The following COL26A1 variants were observed in gnomAD, a reference collection of about 807,000 sequenced individuals.
COL26A1 encodes the protein collagen type XXVI alpha 1 chain, also known as collagen alpha-1(XXVI) chain.
A neutral mutation model predicts 59.3 loss-of-function variants in COL26A1; 41 were observed. The observed-to-expected ratio is 0.69, with a 90% CI of 0.54 to 0.90. COL26A1 has a LOEUF of 0.90. Ranked by LOEUF, COL26A1 falls within the 40% of genes least tolerant of loss-of-function variation. The pLI, the probability that COL26A1 is intolerant of heterozygous loss-of-function variation, is 0.00. For missense variants in COL26A1, 612 were observed against 602.3 expected (o/e 1.02, Z -0.17); for synonymous variants, 266 against 256.0 (o/e 1.04, Z -0.37).
At chr7:101,502,296 C>T (rs1352781522) in intron 3 of COL26A1, among the ~76,000 whole-genome samples, 4 of 152,136 alleles carry the variant, frequency 2.6e-5, no homozygotes, top group South Asian at 2.1e-4. Flanking sequence ...GAGCCGAGAT[C>T]GCACCACTGC....
rs1554414678 is a variant in COL26A1 at position 101,457,913 on chromosome 7, TTG to T, written c.385+10127_385+10128del. On this transcript the variant is annotated intron_variant, in intron 3 of 12. Coordinates refer to ENST00000313669, the MANE Select transcript of COL26A1 (RefSeq NM_001278563.3). ...GCTTAACTTTTTTTTTTTTTTTTTT[TTG>T]AAATGGAGTCTCACCCTGTTGCCCA... Among the ~76,000 whole-genome samples, 85 of 50,810 alleles carry T rather than the reference TTG, an allele frequency of 1.7e-3. 2 individuals are homozygous for T. The highest frequency in any genetic ancestry group is 4.6e-3 in the Admixed American group (28 of 6,118). The allele number at this position is 50,810 out of a possible 152,430, so 33.3% of individuals were successfully genotyped here.
chr7:101,455,184 G>A (rs1419859936), intron 3 of COL26A1, among the ~76,000 whole-genome samples: 5 of 149,076 alleles, frequency 3.4e-5, no homozygotes, highest in East Asian at 2.1e-4. Context: ...CTGGGACTAC[G>A]GGCATGAACC....
At chr7:101,388,430 G>C (rs1791644674) in intron 1 of COL26A1, among the ~76,000 whole-genome samples, 2 of 151,684 alleles carry the variant, frequency 1.3e-5, no homozygotes, top group Admixed American at 6.6e-5. Flanking sequence ...CCGAGATCGC[G>C]CCATTACACT....
chr7:101,519,962 A>G (rs1332433802), intron 3 of COL26A1, among the ~76,000 whole-genome samples: 2 of 152,028 alleles, frequency 1.3e-5, no homozygotes, highest in Non-Finnish European at 2.9e-5. Flanking sequence ...GAGCAGCCAG[A>G]TGCCCTGGTT....
intron 3 of COL26A1, among the ~76,000 whole-genome samples, chr7:101,489,819 T>TC (rs1794392423): frequency 1.5e-4 from 1 of 6,522 alleles, no homozygotes; most frequent in African/African-American, 1.5e-3. Context: ...TCTTTCTTTC[T>TC]TTCTTTCTTT....
chr7:101,522,892 C>T (rs1026472185), intron 3 of COL26A1, among the ~76,000 whole-genome samples: 35 of 151,754 alleles, frequency 2.3e-4, no homozygotes, highest in African/African-American at 8.2e-4. Context: ...GGGAGTATCA[C>T]ATTGTGGTTT....
intron 1 of COL26A1, among the ~76,000 whole-genome samples, chr7:101,402,298 T>TC (rs936163805): frequency 8.5e-5 from 13 of 152,050 alleles, no homozygotes; most frequent in African/African-American, 2.4e-4. Context: ...TCAGGGATTT[T>TC]CCCCCCCAAG....
intron 3 of COL26A1, among the ~76,000 whole-genome samples, chr7:101,520,662 A>ACACACACACACACACACACACACACCCCC (rs915256077): frequency 2.1e-5 from 3 of 143,238 alleles, no homozygotes; most frequent in African/African-American, 7.8e-5. Flanking sequence ...ACACACACAC[A>ACACACACACACACACACACACACACCCCC]CCCCCGTGTT....
chr7:101,534,975 C>G (rs1038651593), intron 4 of COL26A1, among the ~76,000 whole-genome samples: 2 of 152,236 alleles, frequency 1.3e-5, no homozygotes, highest in Admixed American at 6.5e-5. Flanking sequence ...CCACGCCAGC[C>G]ACGTCACTGT....
At chr7:101,546,825 G>A (rs553058629) in intron 7 of COL26A1, among the ~76,000 whole-genome samples, 2 of 152,244 alleles carry the variant, frequency 1.3e-5, no homozygotes, top group Admixed American at 1.3e-4. Context: ...AGCAGGATGG[G>A]CCTGTGGGAT....
intron 4 of COL26A1, among the ~76,000 whole-genome samples, chr7:101,535,065 C>T (rs1368357717): frequency 2.0e-5 from 3 of 152,242 alleles, no homozygotes; most frequent in Admixed American, 6.5e-5. Context: ...GGCATGCATT[C>T]GCGGCTTCCC....
At chr7:101,398,671 C>G (rs1791920461) in intron 1 of COL26A1, among the ~76,000 whole-genome samples, 2 of 152,180 alleles carry the variant, frequency 1.3e-5, no homozygotes, top group Non-Finnish European at 2.9e-5. Context: ...TATTCACCCT[C>G]TCAGCCCTGC....
At chr7:101,471,054 T>C (rs1471901222) in intron 3 of COL26A1, among the ~76,000 whole-genome samples, 1 of 152,108 alleles carries the variant, frequency 6.6e-6, no homozygotes, top group African/African-American at 2.4e-5. Context: ...CAAATACATA[T>C]ATTTTATTAT....
chr7:101,467,933 C>T (rs1334913725), intron 3 of COL26A1, among the ~76,000 whole-genome samples: 1 of 152,090 alleles, frequency 6.6e-6, no homozygotes, highest in Non-Finnish European at 1.5e-5. Context: ...CCCAGGTAAC[C>T]CTTTTCTATT....
rs148464985 is a variant in COL26A1 at position 101,466,922 on chromosome 7, C to T, written c.385+19135C>T. ...CCCTGAGTACCAGAAAGCACCCTGT[C>T]AGGTAGAGGGTGCCAGGAATCCCCG... is the stretch of plus-strand genomic sequence containing the variant. On this transcript the variant is annotated intron_variant, in intron 3 of 12. Coordinates refer to ENST00000313669, the MANE Select transcript of COL26A1 (RefSeq NM_001278563.3). Among the ~76,000 whole-genome samples the T allele has an allele frequency of 7.3e-4, 111 of 151,522 alleles. 1 individual carries two copies. In the East Asian group the frequency reaches 0.018, roughly 24 times the overall value.
intron 3 of COL26A1, among the ~76,000 whole-genome samples, chr7:101,504,310 A>G (rs1794762683): frequency 6.6e-6 from 1 of 152,136 alleles, no homozygotes. Context: ...CATTTTGGCC[A>G]GGCTGCTCTC....
At chr7:101,397,279 G>A (rs1464431009) in intron 1 of COL26A1, among the ~76,000 whole-genome samples, 1 of 152,136 alleles carries the variant, frequency 6.6e-6, no homozygotes, top group Non-Finnish European at 1.5e-5. Context: ...GCCAGTAAGT[G>A]TCTCAGGATC....
chr7:101,375,059 T>TAA (rs34296131), intron 1 of COL26A1, among the ~76,000 whole-genome samples: 3,872 of 150,268 alleles, frequency 0.026, 190 homozygotes, highest in African/African-American at 0.089. Flanking sequence ...GACTCCATCT[T>TAA]AAAAAAAAAT....
chr7:101,547,143 G>A lies in COL26A1; in HGVS notation c.857-13G>A, dbSNP rs779465846. ...GCCCCACCAGACCCCTGGCCGCTCC[G>A]CTCTTCCCACAGATGGAGACTCAAG... On this transcript the variant is annotated splice_polypyrimidine_tract_variant and intron_variant, in intron 7 of 12. Transcript: ENST00000313669. 26 of 1,576,936 alleles carry A rather than the reference G, an allele frequency of 1.6e-5. No individual in the cohort carries two copies. The highest frequency in any genetic ancestry group is 1.1e-4 in the African/African-American group (8 of 73,852).
Sources: gnomAD v4.1 joint callset for allele counts (sites outside exome capture counted in the v4.1 genomes callset) on GRCh38, gnomAD v4.1.1 for gene constraint, MANE v1.5 for transcripts, NCBI Gene and HGNC (gene_info 2026-07-23, HGNC 2026-07-21) for gene names.